The following RBPJ variants were observed in gnomAD, a reference collection of about 807,000 sequenced individuals.
RBPJ encodes the protein recombining binding protein suppressor of hairless.
Under a neutral mutation model 67.8 loss-of-function variants are expected in RBPJ, and 9 were observed. The observed-to-expected ratio is 0.13, with a 90% CI of 0.08 to 0.23. The LOEUF is 0.23. Among genes scored for constraint, RBPJ ranks in the 10% least tolerant of loss-of-function variants. RBPJ has a pLI of 1.00. For missense variants in RBPJ, 305 were observed against 595.6 expected (o/e 0.51, Z 5.08); for synonymous variants, 198 against 203.3 (o/e 0.97, Z 0.22).
At chr4:26,250,318 G>A (rs982820643) in intron 1 of RBPJ, among the ~76,000 whole-genome samples, 1 of 148,328 alleles carries the variant, frequency 6.7e-6, no homozygotes, top group African/African-American at 2.5e-5. Flanking sequence ...GCATAGATCA[G>A]ACTCCATTCC....
At chr4:26,198,084 G>A (rs371414425) in intron 1 of RBPJ, among the ~76,000 whole-genome samples, 65 of 152,012 alleles carry the variant, frequency 4.3e-4, no homozygotes, top group African/African-American at 1.4e-3. Context: ...GAGGAACCCC[G>A]TCTCTACTAA....
upstream of RBPJ, chr4:26,320,527 G>A (rs1577427598): frequency 2.0e-6 from 1 of 502,036 alleles, no homozygotes; most frequent in East Asian, 3.3e-5. Flanking sequence ...GAAAATAGCT[G>A]GGAACCCAGA....
chr4:26,107,256 T>TCCCACATG, the RBPJ span, among the ~76,000 whole-genome samples: 1 of 152,320 alleles, frequency 6.6e-6, no homozygotes, highest in East Asian at 1.9e-4. Flanking sequence ...CAAGTGCCCA[T>TCCCACATG]CCCACATGCC....
At chr4:26,214,477 G>T (rs1464361063) in intron 1 of RBPJ, among the ~76,000 whole-genome samples, 1 of 107,450 alleles carries the variant, frequency 9.3e-6, no homozygotes, top group African/African-American at 3.6e-5. Flanking sequence ...AGAAGAAAGA[G>T]AAACAAGGAG....
In RBPJ at chr4:26,215,327, AAAAG is replaced by A. The variant is rs1462096518; in HGVS notation, c.-167+51715_-167+51718del. The stretch of plus-strand genomic sequence containing the variant: ...GAGAGAAAAGAGAAAGAAAGAAAGA[AAAAG>A]AGAGAGAGAAAGAAAGAAAAAAAGA... On this transcript the variant is annotated intron_variant, in intron 1 of 4. Transcript: ENST00000512351. Among the ~76,000 whole-genome samples the A allele has an allele frequency of 5.8e-3, 299 of 51,562 alleles. 18 individuals carry two copies. Among genetic ancestry groups the A allele is most frequent in the Middle Eastern group, 0.023 (2 of 88 alleles). The allele number at this position is 51,562 out of a possible 152,430, so 33.8% of individuals were successfully genotyped here. A position where few individuals can be genotyped will look rare whatever the true frequency, so the allele number is the denominator to read the frequency against.
intron 1 of RBPJ, among the ~76,000 whole-genome samples, chr4:26,260,786 G>C (rs535273632): frequency 6.6e-6 from 1 of 151,968 alleles, no homozygotes; most frequent in Non-Finnish European, 1.5e-5. Context: ...TTTTCTCAAG[G>C]CCCCACTCAA....
intron 1 of RBPJ, among the ~76,000 whole-genome samples, chr4:26,261,581 C>G (rs990220912): frequency 6.6e-6 from 1 of 152,040 alleles, no homozygotes. Context: ...TTTTTGACAA[C>G]GTTGCAAAAT....
chr4:26,172,329 G>T (rs1178185134), intron 1 of RBPJ, among the ~76,000 whole-genome samples: 1 of 152,110 alleles, frequency 6.6e-6, no homozygotes, highest in Non-Finnish European at 1.5e-5. Flanking sequence ...AAAAAAATTT[G>T]GACCACTTGC....
chr4:26,222,461 C>G (rs111572281), intron 1 of RBPJ, among the ~76,000 whole-genome samples: 2,524 of 141,528 alleles, frequency 0.018, 39 homozygotes, highest in Middle Eastern at 0.035. Context: ...CGCCACTGCA[C>G]TCTAGCTTGG....
At chr4:26,306,560 CT>C (rs1261387984) in intron 1 of RBPJ, among the ~76,000 whole-genome samples, 9 of 151,980 alleles carry the variant, frequency 5.9e-5, no homozygotes, top group African/African-American at 2.2e-4. Flanking sequence ...TGCCATTCTC[CT>C]GCCTCAGCCT....
chr4:26,394,072 G>A (rs1731842682), intron 2 of RBPJ, among the ~76,000 whole-genome samples: 1 of 150,474 alleles, frequency 6.6e-6, no homozygotes, highest in South Asian at 2.1e-4. Flanking sequence ...TGTTGCCCAG[G>A]CTGGAGTGCA....
chr4:26,180,631 A>T (rs1716950673), intron 1 of RBPJ, among the ~76,000 whole-genome samples: 1 of 152,182 alleles, frequency 6.6e-6, no homozygotes, highest in African/African-American at 2.4e-5. Context: ...CACCCTTGTG[A>T]CCTAATCACC....
intron 3 of RBPJ, chr4:26,413,131 A>C (rs559923570): frequency 2.4e-4 from 37 of 152,646 alleles, no homozygotes; most frequent in African/African-American, 8.9e-4. Flanking sequence ...GCTGCCTGTT[A>C]ATCCCCCTCT....
chr4:26,187,472 G>A (rs1560202526), intron 1 of RBPJ, among the ~76,000 whole-genome samples: 1 of 36,368 alleles, frequency 2.7e-5, no homozygotes, highest in Admixed American at 2.4e-4. Context: ...TCTTCTCGAA[G>A]TAAGTATCAC....
At chr4:26,135,250 G>A in the RBPJ span, among the ~76,000 whole-genome samples, 37 of 152,134 alleles carry the variant, frequency 2.4e-4, 2 homozygotes, top group South Asian at 7.5e-3. Context: ...CCAGATCTTA[G>A]CACACCTTGG....
intron 7 of RBPJ, among the ~76,000 whole-genome samples, chr4:26,428,050 A>G (rs1185825004): frequency 1.3e-5 from 2 of 152,234 alleles, no homozygotes; most frequent in African/African-American, 4.8e-5. Context: ...GGATCAGGAC[A>G]TATTCTGGTC....
intron 1 of RBPJ, among the ~76,000 whole-genome samples, chr4:26,189,809 A>T (rs560682857): frequency 1.5e-4 from 23 of 152,368 alleles, no homozygotes; most frequent in Admixed American, 7.2e-4. Flanking sequence ...TCCAGAAAAC[A>T]TTGCTATGTT....
rs1187098202 is a variant in RBPJ at position 26,408,903 on chromosome 4, TTAAACTTTG to T, written c.155+2641_155+2649del. 2.0e-5 allele frequency among the ~76,000 whole-genome samples: 3 copies of T among 152,272 alleles called. No individual in the cohort carries two copies. In the East Asian group the frequency reaches 5.8e-4, roughly 29 times the overall value. ...GAGGAGGAAAAGATCCTTTAAATAC[TTAAACTTTG>T]TAAACTTAACTTTGCCTAGGACTAA... is the stretch of plus-strand genomic sequence containing the variant. On this transcript the variant is annotated intron_variant, in intron 3 of 10. Coordinates refer to ENST00000355476, the MANE Select transcript of RBPJ (RefSeq NM_015874.6).
chr4:26,143,802 C>T, the RBPJ span, among the ~76,000 whole-genome samples: 1 of 152,122 alleles, frequency 6.6e-6, no homozygotes, highest in African/African-American at 2.4e-5. Context: ...GTGACACACA[C>T]CTGTAGTCTC....
Sources: gnomAD v4.1 joint callset for allele counts (sites outside exome capture counted in the v4.1 genomes callset) on GRCh38, gnomAD v4.1.1 for gene constraint, MANE v1.5 for transcripts, NCBI Gene and HGNC (gene_info 2026-07-23, HGNC 2026-07-21) for gene names.